Variants in UGT2B4 observed in about 807,000 individuals in gnomAD.
UGT2B4 encodes UDP glucuronosyltransferase family 2 member B4.
Under a neutral mutation model 49.8 loss-of-function variants are expected in UGT2B4, and 49 were observed. The observed-to-expected ratio is 0.98, with a 90% CI of 0.78 to 1.25. The LOEUF is 1.25. Ranked by LOEUF, UGT2B4 falls within the 50% of genes most tolerant of loss-of-function variation. UGT2B4 has a pLI of 0.00. For missense variants in UGT2B4, 729 were observed against 627.7 expected (o/e 1.16, Z -1.73); for synonymous variants, 246 against 217.7 (o/e 1.13, Z -1.14).
intron 1 of UGT2B4, among the ~76,000 whole-genome samples, chr4:69,505,445 A>G (rs1369247646): frequency 6.6e-6 from 1 of 152,178 alleles, no homozygotes; most frequent in Non-Finnish European, 1.5e-5. Context: ...ACAAAACAGA[A>G]TTTAAACAAA....
At position 69,495,812 on chromosome 4, in the gene UGT2B4, TA is replaced by T; in HGVS notation, c.49del (p.Tyr17ThrfsTer21). ...CTTTCCACAACTCCCAGAGCTAAAG[TA>T]ACAGCTCAGCTGTATCAGCAGAAGA... ...SALLLIQLSC[Y>X]FSSGSCGKVL... On this transcript the variant is annotated frameshift_variant, in exon 1 of 6. Transcript: ENST00000305107. LOFTEE classifies it high-confidence loss of function. The T allele has an allele frequency of 6.2e-7, 1 of 1,613,004 alleles. No homozygotes were observed. Among genetic ancestry groups the T allele is most frequent in the Non-Finnish European group, 8.5e-7 (1 of 1,179,640 alleles).
At chr4:69,502,230 G>T (rs1302869087) in intron 1 of UGT2B4, among the ~76,000 whole-genome samples, 1 of 133,560 alleles carries the variant, frequency 7.5e-6, no homozygotes, top group Non-Finnish European at 1.7e-5. Flanking sequence ...CATTGTATTT[G>T]TTTTATTTTA....
At chr4:69,500,064 C>G (rs145835291), upstream of UGT2B4, among the ~76,000 whole-genome samples, 9 of 152,238 alleles carry the variant, frequency 5.9e-5, no homozygotes, top group East Asian at 1.7e-3. Flanking sequence ...ACTATGAAGA[C>G]ATAAACAAGA....
chr4:69,498,858 A>G (rs757818251), upstream of UGT2B4, among the ~76,000 whole-genome samples: 1 of 151,860 alleles, frequency 6.6e-6, no homozygotes, highest in Non-Finnish European at 1.5e-5. Context: ...TCATGTTTCT[A>G]TCTCCTTCAG....
intron 5 of UGT2B4, among the ~76,000 whole-genome samples, chr4:69,484,538 A>G (rs867794919): frequency 1.3e-5 from 2 of 152,234 alleles, no homozygotes; most frequent in Admixed American, 6.5e-5. Flanking sequence ...TCATTTACAC[A>G]TCATAAATTA....
At chr4:69,504,130 G>T (rs1728408719) in intron 1 of UGT2B4, among the ~76,000 whole-genome samples, 1 of 152,106 alleles carries the variant, frequency 6.6e-6, no homozygotes, top group African/African-American at 2.4e-5. Flanking sequence ...AAAAATTATT[G>T]CAAGAATGCT....
At chr4:69,501,623 G>A (rs1174131594) in intron 1 of UGT2B4, among the ~76,000 whole-genome samples, 2 of 152,130 alleles carry the variant, frequency 1.3e-5, no homozygotes, top group Non-Finnish European at 2.9e-5. Flanking sequence ...TCACTGGGTG[G>A]AGTCTCCCAA....
chr4:69,525,232 T>A (rs1046250543), intron 1 of UGT2B4, among the ~76,000 whole-genome samples: 1 of 152,136 alleles, frequency 6.6e-6, no homozygotes. Context: ...AGCTCACATG[T>A]AGGAAAAATG....
intron 4 of UGT2B4, 86 bp from the exon 5 acceptor site, chr4:69,485,513 C>G: frequency 3.2e-6 from 5 of 1,548,500 alleles, no homozygotes; most frequent in Non-Finnish European, 4.4e-6. Context: ...GACGGTGTTT[C>G]CTAGATAACA....
rs72848475 is a variant in UGT2B4 at position 69,512,946 on chromosome 4, T to C, written c.-106+12741A>G. On this transcript the variant is annotated intron_variant, in intron 1 of 1. Transcript: ENST00000510114. ...GCTGGGGTTGTTTGTTTTTCTCTTG[T>C]AAATTTGTTTAAGTTCCTTGTAGAA... 4.9e-3 allele frequency among the ~76,000 whole-genome samples: 745 copies of C among 152,322 alleles called. 4 individuals are homozygous for C. The highest frequency in any genetic ancestry group is 0.016 in the African/African-American group (686 of 41,584).
At chr4:69,520,037 C>G (rs1728812530) in intron 1 of UGT2B4, among the ~76,000 whole-genome samples, 1 of 152,222 alleles carries the variant, frequency 6.6e-6, no homozygotes, top group African/African-American at 2.4e-5. Context: ...AGAAACTACA[C>G]ATATAATAAT....
intron 1 of UGT2B4, among the ~76,000 whole-genome samples, chr4:69,523,775 T>C (rs1485601705): frequency 2.6e-5 from 4 of 152,160 alleles, no homozygotes; most frequent in Non-Finnish European, 4.4e-5. Context: ...GACATATTTT[T>C]TCAATAAAGG....
chr4:69,525,843 G>A (rs68096061), exon 1 of UGT2B4: 175,682 of 634,244 alleles, frequency 0.28, 24,207 homozygotes, highest in African/African-American at 0.33. Context: ...GGCTCACACC[G>A]TTAATCCCAG....
At chr4:69,515,615 A>T (rs188898699) in intron 1 of UGT2B4, among the ~76,000 whole-genome samples, 108 of 152,264 alleles carry the variant, frequency 7.1e-4, no homozygotes, top group Non-Finnish European at 9.1e-4. Flanking sequence ...AACCAAAAGC[A>T]AGCAAACCCC....
intron 5 of UGT2B4, 65 bp downstream of exon 5, chr4:69,485,143 A>G (rs1727733660): frequency 6.4e-7 from 1 of 1,550,462 alleles, no homozygotes; most frequent in East Asian, 2.2e-5. Flanking sequence ...GATAAAAGTC[A>G]TACTCACTAT....
rs541650057 is a variant in UGT2B4 at position 69,491,302 on chromosome 4, A to G, written c.871-1732T>C. Among the ~76,000 whole-genome samples the G allele has an allele frequency of 1.2e-4, 18 of 151,914 alleles. 1 individual carries two copies. The South Asian group carries it at 3.5e-3, about 30-fold the overall frequency. ...AAATTATTGTAATGCTATAGTATGC[A>G]TCTAGTATATGTTTTTAATTATTCC... is the stretch of plus-strand genomic sequence containing the variant. On this transcript the variant is annotated intron_variant, in intron 2 of 5. Transcript: ENST00000305107.
chr4:69,490,012 T>G (rs1727932759), intron 2 of UGT2B4, among the ~76,000 whole-genome samples: 1 of 152,154 alleles, frequency 6.6e-6, no homozygotes, highest in South Asian at 2.1e-4. Flanking sequence ...GTGGTTGACT[T>G]CCCTGACTCT....
intron 2 of UGT2B4, among the ~76,000 whole-genome samples, chr4:69,491,491 T>C (rs1193991120): frequency 6.6e-6 from 1 of 152,106 alleles, no homozygotes; most frequent in Non-Finnish European, 1.5e-5. Flanking sequence ...ATTTGCCAAG[T>C]GTCCTTTTCT....
chr4:69,516,904 T>C (rs900238911), intron 1 of UGT2B4, among the ~76,000 whole-genome samples: 1 of 152,032 alleles, frequency 6.6e-6, no homozygotes, highest in African/African-American at 2.4e-5. Context: ...TTACATATTT[T>C]TGTTGGCTGC....
Sources: allele counts gnomAD v4.1 joint callset (sites outside exome capture counted in the v4.1 genomes callset), GRCh38; gene constraint gnomAD v4.1.1; transcripts MANE v1.5; gene names NCBI Gene and HGNC (gene_info 2026-07-23, HGNC 2026-07-21).